DNM2: variants seen among roughly 807,000 people sequenced by gnomAD.
The protein encoded by DNM2 is dynamin 2.
A neutral mutation model predicts 99.0 loss-of-function variants in DNM2; 15 were observed. The observed-to-expected ratio is 0.15, with a 90% confidence interval of 0.10 to 0.23. The LOEUF is 0.23. Ranked by LOEUF, DNM2 falls within the 10% of genes least tolerant of loss-of-function variation. DNM2 has a pLI of 1.00. For missense variants in DNM2, 742 were observed against 1,189.4 expected, an observed-to-expected ratio of 0.62 and a Z score of 5.53; for synonymous variants, 525 against 481.2, an observed-to-expected ratio of 1.09 and a Z score of -1.19.
Position 10,818,493 on chromosome 19 carries a change from G to A in DNM2, c.1672-1487G>A, listed in dbSNP as rs1352093668. On this transcript the variant is annotated intron_variant, in intron 15 of 20. Coordinates refer to ENST00000389253, the MANE Select transcript of DNM2 (RefSeq NM_001005361.3). The surrounding 1 kb of genome is among the most constrained non-coding windows in gnomAD (Gnocchi z 4.3). ...GGAAGTGGCTTGCCCGAGGGCACAC[G>A]GCCAGGAAAGGGCAGGGCTGGCATC... 6.6e-6 allele frequency among the ~76,000 whole-genome samples: 1 copy of A among 152,206 alleles called. No individual in the cohort carries two copies. The highest frequency in any genetic ancestry group is 2.4e-5 in the African/African-American group (1 of 41,454).
At chr19:10,763,431 T>A (rs2070699090) in intron 2 of DNM2, 2 of 152,556 alleles carry the variant, frequency 1.3e-5, no homozygotes, top group East Asian at 3.9e-4. Context: ...CTTGAACTCC[T>A]GGGCTCAAGC....
At chr19:10,756,077 G>A (rs942568653) in intron 1 of DNM2, among the ~76,000 whole-genome samples, 1 of 152,170 alleles carries the variant, frequency 6.6e-6, no homozygotes, top group Non-Finnish European at 1.5e-5. Context: ...GCTACTTGTG[G>A]CGTTCATGAG....
chr19:10,824,835 T>A, intron 17 of DNM2: 1 of 633,068 alleles, frequency 1.6e-6, no homozygotes, highest in Non-Finnish European at 2.7e-6. Context: ...AAAACAACGT[T>A]CCAATGCCCA....
chr19:10,813,142 G>A (rs1030547560), intron 15 of DNM2, among the ~76,000 whole-genome samples: 18 of 152,194 alleles, frequency 1.2e-4, no homozygotes, highest in African/African-American at 4.1e-4. Context: ...CCTGCCCACT[G>A]TGCGGTGCTT....
intron 7 of DNM2, among the ~76,000 whole-genome samples, chr19:10,791,547 CCAGCCGGTCACAA>C (rs143204454): frequency 0.06 from 9,192 of 152,240 alleles, 494 homozygotes; most frequent in African/African-American, 0.14. Context: ...GGGACACCGA[CCAGCCGGTCACAA>C]TTGTCCAGAA....
Position 10,816,830 on chromosome 19 carries a change from C to G in DNM2, c.1672-3150C>G, listed in dbSNP as rs987440083. Among the ~76,000 whole-genome samples, 2 of 152,218 alleles carry G rather than the reference C, an allele frequency of 1.3e-5. No individual in the cohort carries two copies. The highest frequency in any genetic ancestry group is 2.4e-5 in the African/African-American group (1 of 41,456). On this transcript the variant is annotated intron_variant, in intron 15 of 20. Coordinates refer to ENST00000389253, the MANE Select transcript of DNM2 (RefSeq NM_001005361.3). The surrounding 1 kb of genome is among the most constrained non-coding windows in gnomAD (Gnocchi z 4.6). ...CATTGCAAGTCTAGTTTTCAGATCT[C>G]CTCTTCCTTCACGTGAGGGGCCCTT...
chr19:10,830,000 G>A lies in DNM2; in HGVS notation c.2292-127G>A, dbSNP rs899397561. On this transcript the variant is annotated intron_variant, in intron 19 of 20. Transcript: ENST00000389253. Reference sequence around the variant, plus strand: ...GGGACTGGCGCTCAGGTTGGGGTGGGAGGATCCCACTGCGCCTGCGCTGTC... The same window carrying A: ...GGGACTGGCGCTCAGGTTGGGGTGGAAGGATCCCACTGCGCCTGCGCTGTC... The A allele has an allele frequency of 5.0e-6, 7 of 1,400,942 alleles. No homozygotes were observed. In the Admixed American group the frequency reaches 1.2e-4, roughly 24 times the overall value. 86.8% of individuals were successfully genotyped at this position (1,400,942 alleles called of 1,614,324 possible). A position where few individuals can be genotyped will look rare whatever the true frequency, so the allele number is the denominator to read the frequency against.
chr19:10,756,377 C>T (rs2070385533), intron 1 of DNM2, among the ~76,000 whole-genome samples: 1 of 152,140 alleles, frequency 6.6e-6, no homozygotes, highest in Non-Finnish European at 1.5e-5. Context: ...AGCACCTCCC[C>T]AAGTGCTCAG....
intron 1 of DNM2, among the ~76,000 whole-genome samples, chr19:10,746,894 G>T (rs535502638): frequency 6.6e-6 from 1 of 151,200 alleles, no homozygotes. Context: ...CCACCACCAC[G>T]CCTGGCTAAT....
chr19:10,749,318 G>A (rs926373021), intron 1 of DNM2, among the ~76,000 whole-genome samples: 1 of 152,210 alleles, frequency 6.6e-6, no homozygotes, highest in Non-Finnish European at 1.5e-5. Flanking sequence ...TAAATAAACA[G>A]CCTGGGCTTC....
intron 2 of DNM2, among the ~76,000 whole-genome samples, chr19:10,761,159 T>C (rs1429663775): frequency 1.3e-5 from 2 of 151,946 alleles, no homozygotes; most frequent in Non-Finnish European, 2.9e-5. Context: ...TGGCTAATTT[T>C]TGTATTTTTA....
chr19:10,754,244 G>A (rs1054796744), intron 1 of DNM2, among the ~76,000 whole-genome samples: 3 of 151,304 alleles, frequency 2.0e-5, no homozygotes, highest in African/African-American at 7.3e-5. Flanking sequence ...GTTAGATATA[G>A]TTAATCGCTT....
chr19:10,737,612 A>G (rs2069576869), intron 1 of DNM2, among the ~76,000 whole-genome samples: 1 of 152,038 alleles, frequency 6.6e-6, no homozygotes, highest in African/African-American at 2.4e-5. Context: ...CAGCCTCCCA[A>G]GTAGCTGGGA....
At position 10,825,171 on chromosome 19, in the gene DNM2, T is replaced by A; in HGVS notation, c.2008T>A (p.Ser670Thr). The change falls in exon 18 of 21, where the codon TCC (serine) becomes ACC (threonine). Residue 670 changes from serine (S) to threonine (T), a missense_variant. By Grantham distance (58) the Ser-to-Thr change is moderately conservative. This residue lies in a region of DNM2 where 240 missense variants were observed against 431.3 expected (regional missense o/e 0.56). Transcript: ENST00000389253. ...CTCATACGTGGCCATCATCAACAAG[T>A]CCATCCGCGACCTCATGCCAAAGAC... Reference protein sequence around the residue: ...VDSYVAIINKSIRDLMPKTIM... With the variant: ...VDSYVAIINKTIRDLMPKTIM... 1.2e-6 allele frequency: 2 copies of A among 1,614,116 alleles called. No homozygotes were observed. Among genetic ancestry groups the A allele is most frequent in the Non-Finnish European group, 1.7e-6 (2 of 1,180,006 alleles).
intron 1 of DNM2, among the ~76,000 whole-genome samples, chr19:10,724,411 T>C (rs974346239): frequency 2.0e-5 from 3 of 152,052 alleles, no homozygotes; most frequent in African/African-American, 7.2e-5. Flanking sequence ...TCTCCTGACT[T>C]CGTGATCCGC....
At chr19:10,789,084 G>C (rs1647692052) in intron 7 of DNM2, among the ~76,000 whole-genome samples, 1 of 152,196 alleles carries the variant, frequency 6.6e-6, no homozygotes, top group Admixed American at 6.5e-5. Flanking sequence ...TGTAATTCTA[G>C]CTACTTGGGA....
intron 12 of DNM2, among the ~76,000 whole-genome samples, chr19:10,805,503 T>C (rs2072299094): frequency 6.6e-6 from 1 of 152,096 alleles, no homozygotes; most frequent in Non-Finnish European, 1.5e-5. Context: ...AGCATGGTGG[T>C]ATGCACCTGT....
At chr19:10,828,575 A>T (rs1263363359) in intron 18 of DNM2, among the ~76,000 whole-genome samples, 1 of 150,330 alleles carries the variant, frequency 6.7e-6, no homozygotes, top group Non-Finnish European at 1.5e-5. Context: ...CGACAGTGAG[A>T]CTGTCTCAAA....
chr19:10,826,143 T>TG (rs2073136427), intron 18 of DNM2, among the ~76,000 whole-genome samples: 2 of 152,166 alleles, frequency 1.3e-5, no homozygotes, highest in South Asian at 4.1e-4. Context: ...ACTGGGTCCA[T>TG]AGTCCCATCA....
Sources: gnomAD v4.1 joint callset for allele counts (sites outside exome capture counted in the v4.1 genomes callset) on GRCh38, gnomAD v4.1.1 for gene constraint, gnomAD v4.1.1 regional missense constraint, Gnocchi (gnomAD v3.1) non-coding constraint, MANE v1.5 for transcripts, NCBI Gene and HGNC (gene_info 2026-07-23, HGNC 2026-07-21) for gene names.